Variants in PDXDC1 observed in about 807,000 individuals in gnomAD.
PDXDC1 encodes pyridoxal-dependent decarboxylase domain-containing protein 1.
In PDXDC1, 42 loss-of-function variants were observed where a neutral mutation model predicts 100.1. That is an observed-to-expected ratio of 0.42 (90% CI 0.33 to 0.54). PDXDC1 has a LOEUF of 0.54. Ranked by LOEUF, PDXDC1 falls within the 20% of genes least tolerant of loss-of-function variation. The pLI is 0.10. For missense variants in PDXDC1, 636 were observed against 979.2 expected (o/e 0.65, Z 4.68); for synonymous variants, 260 against 371.7 (o/e 0.70, Z 3.46).
intron 1 of PDXDC1, among the ~76,000 whole-genome samples, chr16:14,987,821 A>G (rs1969736278): frequency 6.6e-6 from 1 of 152,264 alleles, no homozygotes; most frequent in Non-Finnish European, 1.5e-5. Context: ...TATGTTGGCC[A>G]GGCTGGTCTC....
rs769305151 is a variant in PDXDC1 at position 15,036,052 on chromosome 16, A to G, written c.2144A>G (p.Asp715Gly). Reference sequence around the variant, plus strand: ...TTTAAAAGGTCCCTGCGAGGTTCAGATGCTTTGAGTGAGACCAGCTCAGTC... The same window carrying G: ...TTTAAAAGGTCCCTGCGAGGTTCAGGTGCTTTGAGTGAGACCAGCTCAGTC... ...KPFKRSLRGSDALSETSSVSH... is the reference protein window; with the variant it reads ...KPFKRSLRGSGALSETSSVSH... The change falls in exon 23 of 23, where the codon GAT becomes GGT. Residue 715 changes from aspartate (D) to glycine (G), a missense_variant. By Grantham distance (94) the Asp-to-Gly change is moderately conservative (BLOSUM62 -1). Coordinates refer to ENST00000396410, the MANE Select transcript of PDXDC1 (RefSeq NM_015027.4). 1 of 1,614,124 alleles carries G rather than the reference A, an allele frequency of 6.2e-7. No homozygotes were observed.
intron 16 of PDXDC1, chr16:15,044,346 G>C: frequency 1.2e-6 from 2 of 1,608,780 alleles, no homozygotes; most frequent in African/African-American, 2.7e-5. Flanking sequence ...AGAAGTTGAT[G>C]AGTGAGTTTT....
At chr16:15,087,717 A>G (rs1452956969) in intron 16 of PDXDC1, among the ~76,000 whole-genome samples, 1 of 152,236 alleles carries the variant, frequency 6.6e-6, no homozygotes, top group Non-Finnish European at 1.5e-5. Context: ...GCATGTAGAA[A>G]ACAAGCTAAG....
intron 16 of PDXDC1, among the ~76,000 whole-genome samples, chr16:15,111,701 T>G (rs1213511919): frequency 8.1e-6 from 1 of 122,950 alleles, no homozygotes; most frequent in East Asian, 2.2e-4. Flanking sequence ...GAGGTTGCAG[T>G]GAGCCAAGAT....
Position 15,038,251 on chromosome 16 carries a change from A to ATTAGAGAAGCCAACCTTG in PDXDC1, c.*1976_*1977insTTAGAGAAGCCAACCTTG. 1 of 1,447,502 alleles carries ATTAGAGAAGCCAACCTTG rather than the reference A, an allele frequency of 6.9e-7. No homozygotes were observed. The highest frequency in any genetic ancestry group is 9.6e-7 in the Non-Finnish European group (1 of 1,037,038). The allele number at this position is 1,447,502 out of a possible 1,614,324, so 89.7% of individuals were successfully genotyped here. ...GGTGGGCATTAGAGAAGCCAACCTT[A>ATTAGAGAAGCCAACCTTG]CTGTCCCCTGCTGTGATAAAGATGT... On this transcript the variant is annotated 3_prime_UTR_variant, in exon 23 of 23. Transcript: ENST00000396410.
At chr16:15,048,019 A>G (rs558834665) in intron 16 of PDXDC1, 5 of 1,613,126 alleles carry the variant, frequency 3.1e-6, no homozygotes, top group Non-Finnish European at 4.2e-6. Context: ...AGGTCACTGC[A>G]AGCTCTCTTT....
chr16:15,099,465 A>T (rs1043514245), intron 16 of PDXDC1, among the ~76,000 whole-genome samples: 1 of 151,854 alleles, frequency 6.6e-6, no homozygotes, highest in Non-Finnish European at 1.5e-5. Flanking sequence ...AAAACCTTAA[A>T]ACTAAATGCA....
At chr16:15,062,704 A>C (rs2044763707) in intron 16 of PDXDC1, among the ~76,000 whole-genome samples, 1 of 152,220 alleles carries the variant, frequency 6.6e-6, no homozygotes, top group African/African-American at 2.4e-5. Flanking sequence ...CAAAGATCTA[A>C]ATTCATTCAG....
rs1181724852 is a variant in PDXDC1, at chr16:15,125,105, C to T, written c.1400-13774C>T. On this transcript the variant is annotated intron_variant, in intron 16 of 16. Transcript: ENST00000535621. ...GAGGTTGCAGTGAGCCGAGATCGTA[C>T]CATTGCACTCCAGCCTGGGTGACAG... 1.0e-4 allele frequency: 42 copies of T among 418,812 alleles called. No individual in the cohort carries two copies. In the Admixed American group the frequency reaches 1.8e-3, roughly 18 times the overall value. The allele number at this position is 418,812 out of a possible 1,614,324, so 25.9% of individuals were successfully genotyped here. A position where few individuals can be genotyped will look rare whatever the true frequency, so the allele number is the denominator to read the frequency against.
chr16:15,069,380 A>G (rs887227973), intron 16 of PDXDC1, among the ~76,000 whole-genome samples: 8 of 152,250 alleles, frequency 5.3e-5, no homozygotes, highest in Admixed American at 2.6e-4. Context: ...CCACAAAACC[A>G]TAAGAATTAT....
intron 1 of PDXDC1, among the ~76,000 whole-genome samples, chr16:14,987,396 CTA>C (rs1480761632): frequency 1.3e-5 from 2 of 152,282 alleles, no homozygotes; most frequent in African/African-American, 4.8e-5. Context: ...CTAAAATGTA[CTA>C]TGATTTGGGG....
intron 16 of PDXDC1, among the ~76,000 whole-genome samples, chr16:15,046,517 G>A (rs1343958608): frequency 4.6e-5 from 7 of 152,084 alleles, no homozygotes; most frequent in Admixed American, 6.5e-5. Flanking sequence ...CTACTTTACT[G>A]CAGTGAGAGA....
chr16:15,099,485 T>G (rs372632858), intron 16 of PDXDC1, among the ~76,000 whole-genome samples: 7 of 151,684 alleles, frequency 4.6e-5, no homozygotes, highest in Admixed American at 1.3e-4. Flanking sequence ...ATAATTTCTG[T>G]TGTAATTCTT....
At chr16:15,011,754 C>T (rs1429432756) in intron 8 of PDXDC1, among the ~76,000 whole-genome samples, 1 of 152,132 alleles carries the variant, frequency 6.6e-6, no homozygotes, top group African/African-American at 2.4e-5. Flanking sequence ...ACCTCCGCCT[C>T]CCAGGTTCAA....
intron 16 of PDXDC1, among the ~76,000 whole-genome samples, chr16:15,089,803 A>C (rs1480688357): frequency 6.6e-6 from 1 of 151,134 alleles, no homozygotes; most frequent in Admixed American, 6.6e-5. Flanking sequence ...AAAAAAAAAA[A>C]AAAAAAAACA....
intron 16 of PDXDC1, among the ~76,000 whole-genome samples, chr16:15,090,321 C>T (rs1325571095): frequency 6.6e-6 from 1 of 152,070 alleles, no homozygotes; most frequent in Non-Finnish European, 1.5e-5. Context: ...AGAAATGATA[C>T]AGCGCAGTCA....
At chr16:14,976,191 CTGTT>C (rs1238381731) in intron 1 of PDXDC1, among the ~76,000 whole-genome samples, 4 of 152,290 alleles carry the variant, frequency 2.6e-5, no homozygotes, top group Non-Finnish European at 5.9e-5. Flanking sequence ...GCCCTTCTGT[CTGTT>C]CCAGCTTGGG....
At chr16:15,142,662 T>A (rs976891075), downstream of PDXDC1, among the ~76,000 whole-genome samples, 1 of 152,180 alleles carries the variant, frequency 6.6e-6, no homozygotes, top group Non-Finnish European at 1.5e-5. Context: ...CTCCCGTACT[T>A]TTCCACGTCT....
chr16:15,114,927 ATTT>A (rs1317983458), intron 16 of PDXDC1, among the ~76,000 whole-genome samples: 2 of 52,460 alleles, frequency 3.8e-5, no homozygotes, highest in African/African-American at 9.4e-5. Flanking sequence ...AAAAAAAAAA[ATTT>A]TTTTTTTTTT....
Sources: gnomAD v4.1 joint callset for allele counts (sites outside exome capture counted in the v4.1 genomes callset) on GRCh38, gnomAD v4.1.1 for gene constraint, MANE v1.5 for transcripts, NCBI Gene and HGNC (gene_info 2026-07-23, HGNC 2026-07-21) for gene names.